Variants in CTNNA2 observed in about 807,000 individuals in gnomAD.
CTNNA2 encodes the protein catenin alpha 2, also known as catenin alpha-2.
Under a neutral mutation model 101.0 loss-of-function variants are expected in CTNNA2, and 42 were observed. That is an observed-to-expected ratio of 0.42 (90% CI 0.32 to 0.54). The LOEUF is 0.54. Among genes scored for constraint, CTNNA2 ranks in the 20% least tolerant of loss-of-function variants. CTNNA2 has a pLI of 0.14. For synonymous variants in CTNNA2, 450 were observed against 456.4 expected, an observed-to-expected ratio of 0.99 and a Z score of 0.18; for missense variants, 871 against 1,223.1, an observed-to-expected ratio of 0.71 and a Z score of 4.29.
At chr2:79,391,933 T>G (rs960811125) in intron 4 of CTNNA2, among the ~76,000 whole-genome samples, 1 of 152,182 alleles carries the variant, frequency 6.6e-6, no homozygotes, top group African/African-American at 2.4e-5. Flanking sequence ...TCTTGCTGCA[T>G]CCTCACACAT....
intron 8 of CTNNA2, among the ~76,000 whole-genome samples, chr2:80,408,258 G>A (rs1679243204): frequency 6.6e-6 from 1 of 152,162 alleles, no homozygotes; most frequent in Non-Finnish European, 1.5e-5. Flanking sequence ...CATGACATGT[G>A]GAAGTACAGG....
At chr2:79,823,784 G>T (rs1055459403) in intron 3 of CTNNA2, among the ~76,000 whole-genome samples, 3 of 151,592 alleles carry the variant, frequency 2.0e-5, no homozygotes, top group Admixed American at 1.3e-4. Flanking sequence ...AAAAATAAAG[G>T]TTTTTTTTGT....
In CTNNA2 at chr2:80,635,288, T is replaced by G. The variant is rs1427236422; in HGVS notation, c.2575-12297T>G. On this transcript the variant is annotated intron_variant, in intron 18 of 18. Transcript: ENST00000402739. ...TTGGAGGGCATTATTCTGTGTCAAC[T>G]CAAAAAATATTTTAAAGAAGACAGA... Among the ~76,000 whole-genome samples, 3 of 152,150 alleles carry G rather than the reference T, an allele frequency of 2.0e-5. No individual in the cohort carries two copies. The East Asian group carries it at 5.8e-4, about 29-fold the overall frequency.
chr2:79,753,970 G>A (rs1308133280), intron 3 of CTNNA2, among the ~76,000 whole-genome samples: 1 of 149,354 alleles, frequency 6.7e-6, no homozygotes, highest in African/African-American at 2.5e-5. Flanking sequence ...CTGAGTTCAA[G>A]CTATTCTCCT....
chr2:80,618,924 T>C (rs889780433), intron 17 of CTNNA2, 161 bp from the exon 18 acceptor site: 23 of 447,472 alleles, frequency 5.1e-5, no homozygotes, highest in Non-Finnish European at 6.7e-5. Flanking sequence ...AGAAAGCCCA[T>C]ATGTATATCT....
In CTNNA2 at chr2:79,846,818, G is replaced by T. The variant is rs183787937; in HGVS notation, c.299-11195G>T. On this transcript the variant is annotated intron_variant, in intron 3 of 18. Coordinates refer to ENST00000402739, the MANE Select transcript of CTNNA2 (RefSeq NM_001282597.3). ...AGTTAATGTCTTTCAAATATATGTA[G>T]TAATTTAGATACTGAAATAGCTCAG... Among the ~76,000 whole-genome samples the T allele has an allele frequency of 6.6e-5, 10 of 152,292 alleles. No homozygotes were observed. In the East Asian group the frequency reaches 1.9e-3, roughly 29 times the overall value.
chr2:79,959,437 A>G (rs1465916400), intron 7 of CTNNA2, among the ~76,000 whole-genome samples: 1 of 152,222 alleles, frequency 6.6e-6, no homozygotes, highest in Admixed American at 6.5e-5. Context: ...CACACAAAGA[A>G]GAACAAGAAA....
intron 9 of CTNNA2, among the ~76,000 whole-genome samples, chr2:80,475,727 A>G (rs893787177): frequency 6.6e-6 from 1 of 152,178 alleles, no homozygotes; most frequent in Non-Finnish European, 1.5e-5. Context: ...CTAACAGTCA[A>G]ATCTTCCTAG....
chr2:79,948,893 G>A lies in CTNNA2; in HGVS notation c.1056+39096G>A, dbSNP rs530344278. On this transcript the variant is annotated intron_variant, in intron 7 of 18. Coordinates refer to ENST00000402739, the MANE Select transcript of CTNNA2 (RefSeq NM_001282597.3). ...TAAGGCAGGAGAATGGCGTGAACCC[G>A]GGAGGCGGAGCTTGCAGTGAACTGA... Among the ~76,000 whole-genome samples, 127 of 152,218 alleles carry A rather than the reference G, an allele frequency of 8.3e-4. 1 individual carries two copies. Among genetic ancestry groups the A allele is most frequent in the African/African-American group, 2.9e-3 (122 of 41,544 alleles).
chr2:79,709,840 A>G (rs1017605348), intron 2 of CTNNA2, among the ~76,000 whole-genome samples: 4 of 152,162 alleles, frequency 2.6e-5, no homozygotes, highest in Non-Finnish European at 5.9e-5. Context: ...AAGGTATTGC[A>G]GCCCCTTTTG....
In CTNNA2 at chr2:80,536,896, T is replaced by C. The variant is rs149657928; in HGVS notation, c.1291-8086T>C. 4.4e-3 allele frequency among the ~76,000 whole-genome samples: 672 copies of C among 152,330 alleles called. 9 individuals are homozygous for C. Among genetic ancestry groups the C allele is most frequent in the African/African-American group, 0.015 (609 of 41,576 alleles). On this transcript the variant is annotated intron_variant, in intron 9 of 18. Transcript: ENST00000402739. ...TTCTTTGTGTGATTAAAAAACATCT[T>C]GCCTTTTTAAATGGTCACTATACAT...
Position 79,651,545 on chromosome 2 carries a change from C to G in CTNNA2, c.-5-7C>G, listed in dbSNP as rs779742594. On this transcript the variant is annotated splice_polypyrimidine_tract_variant and splice_region_variant and intron_variant, in intron 1 of 18. Transcript: ENST00000402739. ...TTATTTCTAACTGATTACATGTGTT[C>G]CCATAGGGAGCATGACTTCGGCAAC... The G allele has an allele frequency of 5.6e-6, 9 of 1,611,244 alleles. No homozygotes were observed. In the South Asian group the frequency reaches 9.9e-5, roughly 18 times the overall value.
chr2:80,417,561 G>A (rs145598069), intron 8 of CTNNA2, among the ~76,000 whole-genome samples: 94 of 151,732 alleles, frequency 6.2e-4, no homozygotes, highest in African/African-American at 2.1e-3. Flanking sequence ...TTGATGTGGT[G>A]TTTATTCATT....
chr2:79,990,924 G>T (rs1405298312), intron 7 of CTNNA2, among the ~76,000 whole-genome samples: 1 of 151,980 alleles, frequency 6.6e-6, no homozygotes, highest in African/African-American at 2.4e-5. Flanking sequence ...TTTTTTGGTT[G>T]GTAAGCTATT....
At chr2:80,328,803 G>T (rs1217076021) in intron 7 of CTNNA2, among the ~76,000 whole-genome samples, 1 of 152,186 alleles carries the variant, frequency 6.6e-6, no homozygotes, top group Admixed American at 6.5e-5. Context: ...TACAAACCTA[G>T]ATGGTATGTA....
chr2:79,217,609 A>G (rs1025242149), intron 2 of CTNNA2, among the ~76,000 whole-genome samples: 48 of 152,250 alleles, frequency 3.2e-4, no homozygotes, highest in African/African-American at 1.1e-3. Context: ...TTTCTTTTGT[A>G]GTGGAATGTC....
intron 2 of CTNNA2, among the ~76,000 whole-genome samples, chr2:79,287,253 C>T (rs1267673369): frequency 2.0e-5 from 3 of 152,202 alleles, no homozygotes; most frequent in African/African-American, 4.8e-5. Flanking sequence ...CTTCTCTCAG[C>T]TCGTCAAAGT....
intron 7 of CTNNA2, among the ~76,000 whole-genome samples, chr2:80,147,542 C>G (rs1337587201): frequency 6.6e-6 from 1 of 152,214 alleles, no homozygotes; most frequent in East Asian, 1.9e-4. Context: ...ACAGGACTCC[C>G]TGTCAGATTT....
At chr2:80,495,817 G>A (rs1219234672) in intron 9 of CTNNA2, among the ~76,000 whole-genome samples, 2 of 151,970 alleles carry the variant, frequency 1.3e-5, no homozygotes, top group African/African-American at 4.8e-5. Flanking sequence ...GCAGATGCCT[G>A]TAATCCCGGC....
Sources: allele counts gnomAD v4.1 joint callset (sites outside exome capture counted in the v4.1 genomes callset), GRCh38; gene constraint gnomAD v4.1.1; transcripts MANE v1.5; gene names NCBI Gene and HGNC (gene_info 2026-07-23, HGNC 2026-07-21).